The following E2F4 variants were observed in gnomAD, a reference collection of about 807,000 sequenced individuals.
E2F4 encodes the protein transcription factor E2F4.
Under a neutral mutation model 44.5 loss-of-function variants are expected in E2F4, and 16 were observed. The ratio of observed to expected loss-of-function variants is 0.36; its 90% CI spans 0.24 to 0.55. E2F4 has a LOEUF of 0.55. Among genes scored for constraint, E2F4 ranks in the 20% least tolerant of loss-of-function variants. The pLI, the probability that E2F4 is intolerant of heterozygous loss-of-function variation, is 0.87. For synonymous variants in E2F4, 242 were observed against 207.2 expected (o/e 1.17, Z -1.44); for missense variants, 473 against 522.1 (o/e 0.91, Z 0.92).
At position 67,194,419 on chromosome 16, in the gene E2F4, G is replaced by T; in HGVS notation, c.473G>T (p.Arg158Leu). Residue 158 changes from arginine (R) to leucine (L), a missense_variant, in exon 5 of 10, where the codon CGG becomes CTG. Physicochemically the swap from Arg to Leu is moderately radical, Grantham distance 102. Transcript: ENST00000379378. ...CFAGDTLLAI[R>L]APSGTSLEVP... is the part of the protein sequence containing the mutation. ...CTAGGAGATACCCTCTTGGCCATCC[G>T]GGCCCCATCAGGCACCAGCCTGGAG... The T allele has an allele frequency of 6.2e-7, 1 of 1,614,072 alleles. No homozygotes were observed. The highest frequency in any genetic ancestry group is 8.5e-7 in the Non-Finnish European group (1 of 1,180,026).
At position 67,198,059 on chromosome 16, in the gene E2F4, T is replaced by C; in HGVS notation, c.1178T>C (p.Ile393Thr). The change falls in exon 10 of 10, where the codon ATC becomes ACC. Residue 393 changes from isoleucine (I) to threonine (T), a missense_variant. By Grantham distance (89) the Ile-to-Thr change is moderately conservative. Around this residue, in one of 3 missense-constraint regions of E2F4, gnomAD observed 314 missense variants for 315.6 expected, o/e 0.99. Coordinates refer to ENST00000379378, the MANE Select transcript of E2F4 (RefSeq NM_001950.4). ...LSPPPGDHDY[I>T]YNLDESEGVC... ...CCACCCCCGGGAGACCACGATTATA[T>C]CTACAACCTGGACGAGAGTGAAGGT... 6.2e-7 allele frequency: 1 copy of C among 1,614,074 alleles called. No individual in the cohort carries two copies. Among genetic ancestry groups the C allele is most frequent in the Non-Finnish European group, 8.5e-7 (1 of 1,179,986 alleles).
At chr16:67,194,655 C>T (rs376555283) in intron 5 of E2F4, 31 bp from the exon 6 acceptor site, 2 of 1,600,832 alleles carry the variant, frequency 1.2e-6, no homozygotes, top group East Asian at 2.2e-5. Flanking sequence ...ACAATTCTAC[C>T]CATCTCCCAT....
intron 4 of E2F4, chr16:67,194,103 T>A (rs2032929726): frequency 4.9e-6 from 2 of 404,936 alleles, no homozygotes; most frequent in South Asian, 7.3e-5. Context: ...GAAAGGGATG[T>A]TGGCCTTGGC....
chr16:67,198,817 G>T lies in E2F4; in HGVS notation c.*694G>T. ...GAGATTTAGAAAGATTTACAGTAACGAATGGATTCCTATATAAAGATTATT... is the reference window on the plus strand; with the variant it reads ...GAGATTTAGAAAGATTTACAGTAACTAATGGATTCCTATATAAAGATTATT... On this transcript the variant is annotated 3_prime_UTR_variant, in exon 10 of 10. Coordinates refer to ENST00000379378, the MANE Select transcript of E2F4 (RefSeq NM_001950.4). The T allele has an allele frequency of 3.5e-6, 1 of 286,688 alleles. No individual in the cohort carries two copies. The highest frequency in any genetic ancestry group is 6.6e-6 in the Non-Finnish European group (1 of 152,496). The allele number at this position is 286,688 out of a possible 1,614,324, so 17.8% of individuals were successfully genotyped here.
intron 6 of E2F4, 64 bp from the exon 7 acceptor site, chr16:67,195,718 C>T: frequency 1.2e-6 from 2 of 1,602,924 alleles, no homozygotes; most frequent in Non-Finnish European, 1.7e-6. Flanking sequence ...TGGGTTCCAG[C>T]ACAGCCAGTT....
At chr16:67,197,475 G>T (rs544281104) in intron 7 of E2F4, 124 bp from the exon 8 acceptor site, 10 of 963,650 alleles carry the variant, frequency 1.0e-5, no homozygotes, top group East Asian at 7.7e-5. Flanking sequence ...GCCTAGGCAG[G>T]ACCTACATCT....
chr16:67,194,441 G>T lies in E2F4; in HGVS notation c.495G>T (p.Leu165=). The T allele has an allele frequency of 2.5e-6, 4 of 1,614,052 alleles. No homozygotes were observed. The highest frequency in any genetic ancestry group is 2.5e-6 in the Non-Finnish European group (3 of 1,180,022). ...TCCGGGCCCCATCAGGCACCAGCCT[G>T]GAGGTGCCCATCCCAGAGGTGGGTG... The part of the protein sequence containing the change: ...LAIRAPSGTS[L]EVPIPEGLNG... The change falls in exon 5 of 10, where the codon CTG becomes CTT. Residue 165 remains leucine (L), a synonymous_variant. Coordinates refer to ENST00000379378, the MANE Select transcript of E2F4 (RefSeq NM_001950.4).
Position 67,194,764 on chromosome 16 carries a change from G to A in E2F4, c.592G>A (p.Glu198Lys). Residue 198 changes from glutamate to lysine, a missense_variant, in exon 6 of 10, where the codon GAG (glutamate) becomes AAG (lysine). Glu to Lys is a moderately conservative substitution (Grantham distance 56). Around this residue, in one of 3 missense-constraint regions of E2F4, gnomAD observed 314 missense variants for 315.6 expected, o/e 0.99. Coordinates refer to ENST00000379378, the MANE Select transcript of E2F4 (RefSeq NM_001950.4). ...GPIEVLLVNK[E>K]AWSSPPVAVP... ...CATTGAGGTTCTGCTGGTGAACAAG[G>A]AGGCATGGAGCTCACCCCCTGTGGC... is the stretch of plus-strand genomic sequence containing the variant. The A allele has an allele frequency of 6.2e-7, 1 of 1,614,192 alleles. No individual in the cohort carries two copies. The highest frequency in any genetic ancestry group is 8.5e-7 in the Non-Finnish European group (1 of 1,180,030).
Position 67,197,853 on chromosome 16 carries a change from C to T in E2F4, c.1082-14C>T, listed in dbSNP as rs752244507. On this transcript the variant is annotated splice_polypyrimidine_tract_variant and intron_variant, in intron 8 of 9. Transcript: ENST00000379378. ...GAGCTGGAATGTTAGTAACTGAGCT[C>T]CCTCCATTCCCAGAGTGCATGAGCT... 1 of 1,613,972 alleles carries T rather than the reference C, an allele frequency of 6.2e-7. No individual in the cohort carries two copies. The highest frequency in any genetic ancestry group is 8.5e-7 in the Non-Finnish European group (1 of 1,179,976).
In E2F4 at chr16:67,192,241, G is replaced by C; in HGVS notation, c.14G>C (p.Gly5Ala). 7.9e-7 allele frequency: 1 copy of C among 1,269,562 alleles called. No homozygotes were observed. The allele number at this position is 1,269,562 out of a possible 1,614,324, so 78.6% of individuals were successfully genotyped here. ...CGGGCGGGCGCGATGGCGGAGGCCG[G>C]GCCACAGGCGCCGCCGCCCCCGGGC... MAEA[G>A]PQAPPPPGTP... Residue 5 changes from glycine (G) to alanine (A), a missense_variant, in exon 1 of 10, where the codon GGG becomes GCG. By Grantham distance (60) the Gly-to-Ala change is moderately conservative. Transcript: ENST00000379378.
At chr16:67,196,917 G>A (rs2032978467) in intron 7 of E2F4, among the ~76,000 whole-genome samples, 1 of 152,072 alleles carries the variant, frequency 6.6e-6, no homozygotes, top group Admixed American at 6.6e-5. Flanking sequence ...CCTATCCTCT[G>A]GTATCCTCAG....
intron 4 of E2F4, chr16:67,193,884 G>A (rs1457186909): frequency 2.6e-5 from 8 of 310,266 alleles, no homozygotes; most frequent in Non-Finnish European, 4.8e-5. Flanking sequence ...CAACTTGTTA[G>A]TTTAGTTGCA....
Position 67,192,324 on chromosome 16 carries a change from C to A in E2F4, c.97C>A (p.Leu33Met). The change falls in exon 1 of 10, where the codon CTG (leucine) becomes ATG (methionine). Residue 33 changes from leucine to methionine, a missense_variant. This residue lies in a region of E2F4 where 119 missense variants were observed against 175.6 expected (regional missense o/e 0.68). Coordinates refer to ENST00000379378, the MANE Select transcript of E2F4 (RefSeq NM_001950.4). ...GCTCACCACCAAGTTCGTGTCCCTT[C>A]TGCAGGAGGCCAAGGACGGCGTGCT... ...GLLTTKFVSL[L>M]QEAKDGVLDL... 1 of 1,437,034 alleles carries A rather than the reference C, an allele frequency of 7.0e-7. No individual in the cohort carries two copies. Among genetic ancestry groups the A allele is most frequent in the Non-Finnish European group, 9.1e-7 (1 of 1,093,492 alleles). The allele number at this position is 1,437,034 out of a possible 1,614,324, so 89.0% of individuals were successfully genotyped here.
At chr16:67,192,407 G>T in intron 1 of E2F4, 45 bp downstream of exon 1, 1 of 1,419,968 alleles carries the variant, frequency 7.0e-7, no homozygotes, top group Non-Finnish European at 9.2e-7. Context: ...GGTGGACCAG[G>T]CCTGGGCCGG....
At chr16:67,195,351 C>T (rs1437991494) in intron 6 of E2F4, among the ~76,000 whole-genome samples, 2 of 152,178 alleles carry the variant, frequency 1.3e-5, no homozygotes, top group African/African-American at 2.4e-5. Context: ...AGGCTGGTTT[C>T]GAACTCCTGA....
In E2F4 at chr16:67,192,262, C is replaced by T; in HGVS notation, c.35C>T (p.Pro12Leu). ...GCCGGGCCACAGGCGCCGCCGCCCC[C>T]GGGCACTCCAAGCCGGCACGAAAAG... is the stretch of plus-strand genomic sequence containing the variant. ...AEAGPQAPPP[P>L]GTPSRHEKSL... The change falls in exon 1 of 10, where the codon CCG becomes CTG. Residue 12 changes from proline (P) to leucine (L), a missense_variant. By Grantham distance (98) the Pro-to-Leu change is moderately conservative. Around this residue, in one of 3 missense-constraint regions of E2F4, gnomAD observed 40 missense variants for 30.8 expected, o/e 1.30. Coordinates refer to ENST00000379378, the MANE Select transcript of E2F4 (RefSeq NM_001950.4). 2 of 1,293,194 alleles carry T rather than the reference C, an allele frequency of 1.5e-6. No homozygotes were observed. The highest frequency in any genetic ancestry group is 2.0e-6 in the Non-Finnish European group (2 of 1,016,184). The allele number at this position is 1,293,194 out of a possible 1,614,324, so 80.1% of individuals were successfully genotyped here. A position where few individuals can be genotyped will look rare whatever the true frequency, so the allele number is the denominator to read the frequency against.
chr16:67,193,916 C>A (rs371981573), intron 4 of E2F4: 6 of 249,982 alleles, frequency 2.4e-5, no homozygotes, highest in East Asian at 1.9e-4. Flanking sequence ...GGATCTGTTC[C>A]TTTTTTTTTC....
chr16:67,192,253 C>T lies in E2F4; in HGVS notation c.26C>T (p.Pro9Leu), dbSNP rs2032898043. Reference protein sequence around the residue: MAEAGPQAPPPPGTPSRHE... With the variant: MAEAGPQALPPPGTPSRHE... ...ATGGCGGAGGCCGGGCCACAGGCGC[C>T]GCCGCCCCCGGGCACTCCAAGCCGG... Residue 9 changes from proline to leucine, a missense_variant, in exon 1 of 10, where the codon CCG becomes CTG. Physicochemically the swap from Pro to Leu is moderately conservative, Grantham distance 98. This residue lies in a region of E2F4 where 40 missense variants were observed against 30.8 expected (regional missense o/e 1.30). Coordinates refer to ENST00000379378, the MANE Select transcript of E2F4 (RefSeq NM_001950.4). 1 of 1,278,992 alleles carries T rather than the reference C, an allele frequency of 7.8e-7. No individual in the cohort carries two copies. The highest frequency in any genetic ancestry group is 1.5e-5 in the African/African-American group (1 of 64,980). The allele number at this position is 1,278,992 out of a possible 1,614,324, so 79.2% of individuals were successfully genotyped here.
At position 67,197,858 on chromosome 16, in the gene E2F4, C is replaced by T; in HGVS notation, c.1082-9C>T. ...GGAATGTTAGTAACTGAGCTCCCTC[C>T]ATTCCCAGAGTGCATGAGCTCGGAG... On this transcript the variant is annotated splice_polypyrimidine_tract_variant and intron_variant, in intron 8 of 9. Transcript: ENST00000379378. 6.2e-7 allele frequency: 1 copy of T among 1,614,080 alleles called. No homozygotes were observed. The highest frequency in any genetic ancestry group is 1.1e-5 in the South Asian group (1 of 91,080).
Sources: gnomAD v4.1 joint callset for allele counts (sites outside exome capture counted in the v4.1 genomes callset) on GRCh38, gnomAD v4.1.1 for gene constraint, gnomAD v4.1.1 regional missense constraint, MANE v1.5 for transcripts, NCBI Gene and HGNC (gene_info 2026-07-23, HGNC 2026-07-21) for gene names.